ASAP2: variants seen among roughly 807,000 people sequenced by gnomAD.
ASAP2 encodes ArfGAP with SH3 domain, ankyrin repeat and PH domain 2.
ASAP2 carries 45 observed loss-of-function variants against 131.4 expected under a neutral mutation model. The ratio of observed to expected loss-of-function variants is 0.34; its 90% confidence interval spans 0.27 to 0.44. The LOEUF is 0.44. ASAP2 is among the 20% of genes least tolerant of loss of function. ASAP2 has a pLI of 1.00. For missense variants in ASAP2, 1,011 were observed against 1,297.0 expected, an observed-to-expected ratio of 0.78 and a Z score of 3.39; for synonymous variants, 510 against 503.0, an observed-to-expected ratio of 1.01 and a Z score of -0.19.
At chr2:9,340,810 C>G (rs1415996983) in intron 9 of ASAP2, among the ~76,000 whole-genome samples, 5 of 152,178 alleles carry the variant, frequency 3.3e-5, no homozygotes, top group African/African-American at 4.8e-5. Context: ...CTGTGTTGGC[C>G]AGACCCAATG....
chr2:9,313,065 T>TA (rs200615640), intron 3 of ASAP2, among the ~76,000 whole-genome samples: 72 of 147,524 alleles, frequency 4.9e-4, no homozygotes, highest in Middle Eastern at 3.4e-3. Flanking sequence ...TCTTAAAAAA[T>TA]AAAAAAAAAA....
intron 1 of ASAP2, among the ~76,000 whole-genome samples, chr2:9,263,124 G>T (rs1249210051): frequency 6.6e-6 from 1 of 152,172 alleles, no homozygotes; most frequent in Non-Finnish European, 1.5e-5. Context: ...GTGGCTGCAT[G>T]CTGGCTTTCC....
At chr2:9,235,402 A>G (rs1035210341) in intron 1 of ASAP2, among the ~76,000 whole-genome samples, 4 of 152,126 alleles carry the variant, frequency 2.6e-5, no homozygotes, top group African/African-American at 9.7e-5. Flanking sequence ...TTCCCTTTCC[A>G]GGGCTCTGAT....
intron 1 of ASAP2, among the ~76,000 whole-genome samples, chr2:9,262,348 G>A (rs976319941): frequency 6.6e-6 from 1 of 152,144 alleles, no homozygotes; most frequent in South Asian, 2.1e-4. Context: ...TTTAATTGGC[G>A]TAGTTTACAC....
chr2:9,291,453 G>A (rs927979287), intron 2 of ASAP2, among the ~76,000 whole-genome samples: 2 of 152,198 alleles, frequency 1.3e-5, no homozygotes, highest in Non-Finnish European at 2.9e-5. Flanking sequence ...TGCGCCACAA[G>A]TGAGGTCGGA....
chr2:9,217,178 T>C lies in ASAP2; in HGVS notation c.126+9948T>C, dbSNP rs948410340. On this transcript the variant is annotated intron_variant, in intron 1 of 27. Coordinates refer to ENST00000281419, the MANE Select transcript of ASAP2 (RefSeq NM_003887.3). The surrounding 1 kb of genome is among the most constrained non-coding windows in gnomAD (Gnocchi z 4.0). ...AAGGCCCTTGGTGTTGCAGCCTCTG[T>C]GGCCAGCATGCCCTCCCTTGCTGTT... Among the ~76,000 whole-genome samples the C allele has an allele frequency of 2.0e-5, 3 of 152,196 alleles. No homozygotes were observed. Among genetic ancestry groups the C allele is most frequent in the African/African-American group, 7.2e-5 (3 of 41,450 alleles).
intron 12 of ASAP2, among the ~76,000 whole-genome samples, chr2:9,352,446 A>G (rs1010276336): frequency 2.6e-5 from 4 of 152,238 alleles, no homozygotes; most frequent in South Asian, 4.1e-4. Flanking sequence ...CTCATAAGCA[A>G]TAATAGTGAA....
At chr2:9,270,074 C>T (rs1243211015) in intron 1 of ASAP2, among the ~76,000 whole-genome samples, 2 of 152,224 alleles carry the variant, frequency 1.3e-5, no homozygotes, top group African/African-American at 4.8e-5. Context: ...ACACATCCCC[C>T]TCTCTGGTTT....
intron 1 of ASAP2, among the ~76,000 whole-genome samples, chr2:9,221,833 C>T (rs1390885926): frequency 1.3e-5 from 2 of 151,918 alleles, no homozygotes; most frequent in East Asian, 1.9e-4. Flanking sequence ...CTCGCTCTGT[C>T]GCCCAGGCTG....
In ASAP2 at chr2:9,311,689, C is replaced by T. The variant is rs1369628799; in HGVS notation, c.346-6835C>T. Among the ~76,000 whole-genome samples the T allele has an allele frequency of 6.6e-5, 10 of 152,324 alleles. No homozygotes were observed. The highest frequency in any genetic ancestry group is 5.8e-4 in the East Asian group (3 of 5,190). Reference sequence around the variant, plus strand: ...GTTTCCGTCCCTCTCGGCCAGAACTCGAGGATGGCTCGTTCGGCTGCGGGC... The same window carrying T: ...GTTTCCGTCCCTCTCGGCCAGAACTTGAGGATGGCTCGTTCGGCTGCGGGC... On this transcript the variant is annotated intron_variant, in intron 3 of 27. Transcript: ENST00000281419. This position sits in a 1 kb window ranked among gnomAD's most constrained non-coding sequence, Gnocchi z 5.2.
chr2:9,321,132 C>T (rs1670123985), intron 5 of ASAP2, among the ~76,000 whole-genome samples: 1 of 152,050 alleles, frequency 6.6e-6, no homozygotes, highest in South Asian at 2.1e-4. Context: ...ATAGAAACTT[C>T]CATATGAAGC....
chr2:9,368,886 TG>T (rs922225026), intron 16 of ASAP2, among the ~76,000 whole-genome samples: 19 of 152,034 alleles, frequency 1.2e-4, no homozygotes, highest in African/African-American at 4.6e-4. Context: ...GATGGCTGGT[TG>T]TGGTAGATAT....
chr2:9,215,545 G>A (rs189312466), intron 1 of ASAP2, among the ~76,000 whole-genome samples: 21 of 151,698 alleles, frequency 1.4e-4, no homozygotes, highest in South Asian at 2.1e-4. Flanking sequence ...TGAAAGATAC[G>A]ATAAATTTCA....
In ASAP2 at chr2:9,374,858, G is replaced by C. The variant is rs370967927; in HGVS notation, c.1660G>C (p.Val554Leu). 1 of 1,613,900 alleles carries C rather than the reference G, an allele frequency of 6.2e-7. No homozygotes were observed. The highest frequency in any genetic ancestry group is 2.2e-5 in the East Asian group (1 of 44,880). ...GAAGCTTCACAGTCTTTGCGAGGCC[G>C]TCAAAACGAGAGATATTTTTGGATT... Reference protein sequence around the residue: ...AAKLHSLCEAVKTRDIFGLLQ... With the variant: ...AAKLHSLCEALKTRDIFGLLQ... Residue 554 changes from valine (V) to leucine (L), a missense_variant, in exon 17 of 28, where the codon GTC becomes CTC. Around this residue, in one of 2 missense-constraint regions of ASAP2, gnomAD observed 652 missense variants for 698.9 expected, o/e 0.93. Coordinates refer to ENST00000281419, the MANE Select transcript of ASAP2 (RefSeq NM_003887.3).
intron 2 of ASAP2, among the ~76,000 whole-genome samples, chr2:9,296,719 G>T (rs895209428): frequency 5.9e-5 from 9 of 152,206 alleles, no homozygotes; most frequent in Non-Finnish European, 1.3e-4. Flanking sequence ...AATACCCAGG[G>T]TGTAGGGCAG....
At chr2:9,331,755 G>A (rs115158394) in intron 7 of ASAP2, among the ~76,000 whole-genome samples, 2,526 of 149,540 alleles carry the variant, frequency 0.017, 89 homozygotes, top group African/African-American at 0.059. Flanking sequence ...GCGACAGAGC[G>A]ATTTTTTTTT....
In ASAP2 at chr2:9,213,340, GAGA is replaced by G. The variant is rs564126711; in HGVS notation, c.126+6113_126+6115del. Among the ~76,000 whole-genome samples the G allele has an allele frequency of 4.7e-3, 718 of 152,320 alleles. 3 individuals carry two copies. Among genetic ancestry groups the G allele is most frequent in the Non-Finnish European group, 5.7e-3 (387 of 68,024 alleles). On this transcript the variant is annotated intron_variant, in intron 1 of 27. Transcript: ENST00000281419. The stretch of plus-strand genomic sequence containing the variant: ...TGTGTGGGGAGGAGTGGGCGAGGAA[GAGA>G]AGGATGAGAGACGGGCAGAGGGGTG...
chr2:9,393,597 T>G lies in ASAP2; in HGVS notation c.2634T>G (p.Pro878=). The change falls in exon 24 of 28, where the codon CCT becomes CCG. Residue 878 remains proline (P), a synonymous_variant. Coordinates refer to ENST00000281419, the MANE Select transcript of ASAP2 (RefSeq NM_003887.3). ...GGATCTCACAGATCAGGCCCCCACC[T>G]CTGCCCCCACAGCCGCCCAGCCGCC... ...PPGISQIRPP[P]LPPQPPSRLP... The G allele has an allele frequency of 6.3e-7, 1 of 1,587,456 alleles. No individual in the cohort carries two copies. Among genetic ancestry groups the G allele is most frequent in the South Asian group, 1.1e-5 (1 of 88,186 alleles).
intron 1 of ASAP2, among the ~76,000 whole-genome samples, chr2:9,270,149 G>T (rs1387022198): frequency 1.3e-5 from 2 of 152,240 alleles, no homozygotes; most frequent in African/African-American, 4.8e-5. Context: ...CCTGGCCCCT[G>T]AGAATTAATG....
Sources: gnomAD v4.1 joint callset for allele counts (sites outside exome capture counted in the v4.1 genomes callset) on GRCh38, gnomAD v4.1.1 for gene constraint, gnomAD v4.1.1 regional missense constraint, Gnocchi (gnomAD v3.1) non-coding constraint, MANE v1.5 for transcripts, NCBI Gene and HGNC (gene_info 2026-07-23, HGNC 2026-07-21) for gene names.